Variants in SOD2 observed in about 807,000 individuals in gnomAD.
SOD2 encodes superoxide dismutase [Mn], mitochondrial.
A neutral mutation model predicts 27.0 loss-of-function variants in SOD2; 11 were observed. The ratio of observed to expected loss-of-function variants is 0.41; its 90% CI spans 0.26 to 0.67. SOD2 has a LOEUF of 0.67. Ranked by LOEUF, SOD2 falls within the 30% of genes least tolerant of loss-of-function variation. The pLI is 0.34. For missense variants in SOD2, 250 were observed against 274.5 expected, an observed-to-expected ratio of 0.91 and a Z score of 0.63; for synonymous variants, 105 against 103.0, an observed-to-expected ratio of 1.02 and a Z score of -0.12.
chr6:159,750,991 A>G lies in SOD2; in HGVS notation c.-335-2315T>C, dbSNP rs554290731. ...AAATAACCTGTCCAGTTCAGTTAAA[A>G]TATTTCATTCATGTGAGAATGCACA... On this transcript the variant is annotated intron_variant, in intron 1 of 7. Coordinates refer to the SOD2 transcript ENST00000546087. Among the ~76,000 whole-genome samples, 7 of 152,378 alleles carry G rather than the reference A, an allele frequency of 4.6e-5. No individual in the cohort carries two copies. The East Asian group carries it at 7.7e-4, about 17-fold the overall frequency.
chr6:159,671,879 G>A lies in SOD2; in HGVS notation c.*10614C>T, dbSNP rs540527984. 1.2e-3 allele frequency: 177 copies of A among 152,266 alleles called. No individual in the cohort carries two copies. The highest frequency in any genetic ancestry group is 4.1e-3 in the African/African-American group (170 of 41,560). 9.4% of individuals were successfully genotyped at this position (152,266 alleles called of 1,614,324 possible). A position where few individuals can be genotyped will look rare whatever the true frequency, so the allele number is the denominator to read the frequency against. On this transcript the variant is annotated 3_prime_UTR_variant, in exon 5 of 5. Transcript: ENST00000538183. ...GACAAATGGCTAACTAGAATAACCA[G>A]CATAGAGAAGTCCTTAAATGACCTG...
At chr6:159,751,188 T>C (rs1779806825) in intron 1 of SOD2, among the ~76,000 whole-genome samples, 1 of 152,252 alleles carries the variant, frequency 6.6e-6, no homozygotes, top group African/African-American at 2.4e-5. Flanking sequence ...TTAAAATTTA[T>C]TTTACTAATC....
chr6:159,687,824 T>C (rs1780262700), intron 3 of SOD2, among the ~76,000 whole-genome samples: 1 of 151,920 alleles, frequency 6.6e-6, no homozygotes, highest in African/African-American at 2.4e-5. Flanking sequence ...CTGGCCAACA[T>C]GGTGAATGAA....
rs540963974 is a variant in SOD2 at position 159,755,902 on chromosome 6, G to A, written c.-336+5135C>T. ...TTTTTATATGAGTTAATGTGAAATT[G>A]TAAATGGAAATTTTTCCTTAAAATA... On this transcript the variant is annotated intron_variant, in intron 1 of 7. Transcript: ENST00000546087. 6.2e-5 allele frequency: 20 copies of A among 321,674 alleles called. 1 individual carries two copies. In the South Asian group the frequency reaches 1.2e-3, roughly 20 times the overall value. 19.9% of individuals were successfully genotyped at this position (321,674 alleles called of 1,614,324 possible).
chr6:159,691,815 A>G (rs572901494), intron 2 of SOD2: 1 of 152,190 alleles, frequency 6.6e-6, no homozygotes, highest in Non-Finnish European at 1.5e-5. Flanking sequence ...TCAGTTTCCC[A>G]CTAAAGGGCT....
intron 1 of SOD2, among the ~76,000 whole-genome samples, chr6:159,712,219 C>T (rs1777810169): frequency 7.8e-6 from 1 of 128,812 alleles, no homozygotes; most frequent in Non-Finnish European, 1.7e-5. Context: ...TAACCACCTC[C>T]ATAACCACCA....
At chr6:159,717,716 C>A (rs1002039459) in intron 1 of SOD2, among the ~76,000 whole-genome samples, 2 of 152,138 alleles carry the variant, frequency 1.3e-5, no homozygotes, top group African/African-American at 2.4e-5. Context: ...CCCCTCCCTA[C>A]CCCTACCCTT....
intron 1 of SOD2, among the ~76,000 whole-genome samples, chr6:159,759,234 A>AT (rs5881339): frequency 1 from 150,002 of 150,002 alleles, 75,001 homozygotes; most frequent in Non-Finnish European, 1. Context: ...CTAATTTTGT[A>AT]TTTTAGTAGA....
intron 4 of SOD2, among the ~76,000 whole-genome samples, chr6:159,683,818 G>A (rs1210925630): frequency 1.3e-5 from 2 of 152,088 alleles, no homozygotes; most frequent in Non-Finnish European, 2.9e-5. Flanking sequence ...CCATGTCACT[G>A]TCCCAAAAGA....
chr6:159,722,272 C>T (rs6924330), intron 1 of SOD2, among the ~76,000 whole-genome samples: 7,472 of 152,074 alleles, frequency 0.049, 313 homozygotes, highest in African/African-American at 0.1. Flanking sequence ...CACCTGTAGT[C>T]CCAGCTTCTG....
intron 1 of SOD2, among the ~76,000 whole-genome samples, chr6:159,724,818 C>T (rs1194095509): frequency 2.0e-5 from 3 of 148,262 alleles, no homozygotes; most frequent in African/African-American, 5.0e-5. Context: ...TACCACTGCA[C>T]TCCAGCCTGG....
upstream of SOD2, among the ~76,000 whole-genome samples, chr6:159,730,043 A>C (rs1449225171): frequency 6.6e-6 from 1 of 152,164 alleles, no homozygotes; most frequent in Non-Finnish European, 1.5e-5. Context: ...TATCTACATA[A>C]ATAACTGAAA....
intron 2 of SOD2, among the ~76,000 whole-genome samples, chr6:159,689,230 TG>T (rs1163972183): frequency 2.0e-5 from 3 of 152,218 alleles, no homozygotes; most frequent in Non-Finnish European, 4.4e-5. Flanking sequence ...CTGCCTCTGC[TG>T]AACACTCTTC....
chr6:159,669,830 G>A lies in SOD2; in HGVS notation c.*12663C>T, dbSNP rs1177419350. ...TATCTTTCTCCATACCTTCACTTTTGGCCTGTCTTTACAGGTGAGGTTTCT... is the reference window on the plus strand; with the variant it reads ...TATCTTTCTCCATACCTTCACTTTTAGCCTGTCTTTACAGGTGAGGTTTCT... On this transcript the variant is annotated 3_prime_UTR_variant, in exon 5 of 5. Transcript: ENST00000538183. 6.6e-6 allele frequency: 1 copy of A among 151,826 alleles called. No homozygotes were observed. Among genetic ancestry groups the A allele is most frequent in the Admixed American group, 6.6e-5 (1 of 15,234 alleles). 9.4% of individuals were successfully genotyped at this position (151,826 alleles called of 1,614,324 possible). A position where few individuals can be genotyped will look rare whatever the true frequency, so the allele number is the denominator to read the frequency against.
intron 2 of SOD2, 114 bp downstream of exon 2, chr6:159,692,547 C>T (rs763372612): frequency 6.6e-7 from 1 of 1,522,182 alleles, no homozygotes; most frequent in East Asian, 2.4e-5. Flanking sequence ...AACTCGGAAC[C>T]GGTACAAATA....
At chr6:159,687,515 A>G (rs980313445) in intron 3 of SOD2, among the ~76,000 whole-genome samples, 1 of 152,128 alleles carries the variant, frequency 6.6e-6, no homozygotes, top group East Asian at 1.9e-4. Context: ...GAAGTCTCTC[A>G]GTCTTTCCCT....
intron 1 of SOD2, among the ~76,000 whole-genome samples, chr6:159,733,916 C>A (rs1010331647): frequency 2.0e-5 from 3 of 151,696 alleles, no homozygotes; most frequent in African/African-American, 7.3e-5. Context: ...AACTCCATCT[C>A]CAAAAAAAAA....
intron 1 of SOD2, among the ~76,000 whole-genome samples, chr6:159,718,147 C>T (rs1050455869): frequency 6.6e-6 from 1 of 151,974 alleles, no homozygotes; most frequent in Non-Finnish European, 1.5e-5. Context: ...CGCACACCAC[C>T]ATGCCTGGCT....
chr6:159,736,890 G>A (rs912200603), intron 1 of SOD2, among the ~76,000 whole-genome samples: 2 of 152,166 alleles, frequency 1.3e-5, no homozygotes, highest in African/African-American at 4.8e-5. Context: ...GGAGGAATTT[G>A]TGATTCAATT....
Sources: gnomAD v4.1 joint callset for allele counts (sites outside exome capture counted in the v4.1 genomes callset) on GRCh38, gnomAD v4.1.1 for gene constraint, MANE v1.5 for transcripts, NCBI Gene and HGNC (gene_info 2026-07-23, HGNC 2026-07-21) for gene names.